The following ITPRID1 variants were observed in gnomAD, a reference collection of about 807,000 sequenced individuals.
The protein encoded by ITPRID1 is ITPR interacting domain containing 1.
A neutral mutation model predicts 95.4 loss-of-function variants in ITPRID1; 96 were observed. That is an observed-to-expected ratio of 1.01 (90% CI 0.85 to 1.19). The LOEUF (loss-of-function observed/expected upper bound fraction) is 1.19, where lower values mean the gene tolerates loss of function less well. Ranked by LOEUF, ITPRID1 falls within the 50% of genes most tolerant of loss-of-function variation. ITPRID1 has a pLI of 0.00. For synonymous variants in ITPRID1, 510 were observed against 453.6 expected, an observed-to-expected ratio of 1.12 and a Z score of -1.58; for missense variants, 1,339 against 1,252.9, an observed-to-expected ratio of 1.07 and a Z score of -1.04.
chr7:31,554,875 A>C lies in ITPRID1; in HGVS notation c.230A>C (p.Asn77Thr). ...DSGFFVSANENFQQVIDRTVS... is the reference protein window; with the variant it reads ...DSGFFVSANETFQQVIDRTVS... ...CTTTACAGTGTCTCTGCAAATGAAA[A>C]CTTTCAACAAGTCATTGACCGCACT... Residue 77 changes from asparagine (N) to threonine (T), a missense_variant, in exon 5 of 15, where the codon AAC becomes ACC. Physicochemically the swap from Asn to Thr is moderately conservative, Grantham distance 65. Transcript: ENST00000615280. 6.3e-7 allele frequency: 1 copy of C among 1,581,932 alleles called. No homozygotes were observed. Among genetic ancestry groups the C allele is most frequent in the Non-Finnish European group, 8.6e-7 (1 of 1,161,766 alleles).
At chr7:31,619,839 G>T (rs1204135891) in intron 10 of ITPRID1, among the ~76,000 whole-genome samples, 1 of 152,196 alleles carries the variant, frequency 6.6e-6, no homozygotes, top group Non-Finnish European at 1.5e-5. Flanking sequence ...GGGTCAGGGA[G>T]TTCCCTTTCC....
chr7:31,515,766 T>C (rs1405305290), intron 1 of ITPRID1, among the ~76,000 whole-genome samples: 2 of 152,146 alleles, frequency 1.3e-5, no homozygotes, highest in Non-Finnish European at 2.9e-5. Flanking sequence ...GTTTAAAATG[T>C]TTGCAATGAG....
Position 31,611,752 on chromosome 7 carries a change from A to G in ITPRID1, c.1228+28561A>G, listed in dbSNP as rs555995721. The stretch of plus-strand genomic sequence containing the variant: ...GTTAATCTTTTAAAATATCCCTTGT[A>G]TGTGATGAGTCATTTTTATCTTGCT... On this transcript the variant is annotated intron_variant, in intron 10 of 14. Transcript: ENST00000615280. Among the ~76,000 whole-genome samples the G allele has an allele frequency of 1.1e-3, 166 of 151,968 alleles. 1 individual carries two copies. Among genetic ancestry groups the G allele is most frequent in the African/African-American group, 3.8e-3 (159 of 41,504 alleles).
chr7:31,655,763 G>A lies in ITPRID1; in HGVS notation c.*2934G>A. On this transcript the variant is annotated 3_prime_UTR_variant, in exon 15 of 15. Transcript: ENST00000615280. Reference sequence around the variant, plus strand: ...ATCGTTTCCCTTGCTAAACTCCTAAGCTTTTTACTCTTTACCCAGGTTGGG... The same window carrying A: ...ATCGTTTCCCTTGCTAAACTCCTAAACTTTTTACTCTTTACCCAGGTTGGG... The A allele has an allele frequency of 1.0e-6, 1 of 985,668 alleles. No individual in the cohort carries two copies. The highest frequency in any genetic ancestry group is 1.2e-6 in the Non-Finnish European group (1 of 830,008). 61.1% of individuals were successfully genotyped at this position (985,668 alleles called of 1,614,324 possible).
intron 1 of ITPRID1, among the ~76,000 whole-genome samples, chr7:31,541,611 C>T (rs1783935365): frequency 6.6e-6 from 1 of 152,126 alleles, no homozygotes; most frequent in African/African-American, 2.4e-5. Flanking sequence ...CTTTGGAGCA[C>T]ATACCAATAA....
chr7:31,579,762 T>C lies in ITPRID1; in HGVS notation c.1170+1328T>C, dbSNP rs574536150. ...TGTTAAGGTTCCTAATATCTATGTA[T>C]ATGTATATATGGTTGTGTACATATA... On this transcript the variant is annotated intron_variant, in intron 9 of 14. Transcript: ENST00000615280. Among the ~76,000 whole-genome samples the C allele has an allele frequency of 3.3e-3, 508 of 152,292 alleles. 1 individual carries two copies. Among genetic ancestry groups the C allele is most frequent in the African/African-American group, 0.012 (485 of 41,562 alleles).
rs1369100842 is a variant in ITPRID1 at position 31,578,060 on chromosome 7, A to G, written c.796A>G (p.Arg266Gly). The G allele has an allele frequency of 6.2e-7, 1 of 1,613,894 alleles. No individual in the cohort carries two copies. Among genetic ancestry groups the G allele is most frequent in the Non-Finnish European group, 8.5e-7 (1 of 1,179,862 alleles). The change falls in exon 9 of 15, where the codon AGG becomes GGG. Residue 266 changes from arginine (R) to glycine (G), a missense_variant. By Grantham distance (125) the Arg-to-Gly change is moderately radical. Transcript: ENST00000615280. Reference protein sequence around the residue: ...LLRRASKQNIRRDCNPEVSES... With the variant: ...LLRRASKQNIGRDCNPEVSES... The stretch of plus-strand genomic sequence containing the variant: ...AAGGAGAGCTTCCAAACAGAACATC[A>G]GGCGGGATTGTAACCCAGAGGTATC...
At chr7:31,634,435 C>T (rs903878600) in intron 10 of ITPRID1, among the ~76,000 whole-genome samples, 6 of 152,080 alleles carry the variant, frequency 3.9e-5, no homozygotes, top group African/African-American at 1.2e-4. Context: ...ATTGCAACCC[C>T]ACAAGTAACA....
chr7:31,532,598 A>T (rs997759489), intron 1 of ITPRID1, among the ~76,000 whole-genome samples: 1 of 152,226 alleles, frequency 6.6e-6, no homozygotes, highest in Non-Finnish European at 1.5e-5. Flanking sequence ...TGCATCTGCT[A>T]AGTGGTCACA....
rs77915580 is a variant in ITPRID1 at position 31,652,729 on chromosome 7, G to A, written c.3035G>A (p.Ser1012Asn). The change falls in exon 15 of 15, where the codon AGC becomes AAC. Residue 1012 changes from serine (S) to asparagine (N), a missense_variant. Ser to Asn is a conservative substitution (Grantham distance 46). Transcript: ENST00000615280. The part of the protein sequence containing the change: ...AAFTPPTLEN[S>N]TRMSPSSSAW... ...TTCACTCCACCCACCTTGGAGAACA[G>A]CACCAGGATGTCTCCTTCATCATCA... is the stretch of plus-strand genomic sequence containing the variant. 1 of 1,613,892 alleles carries A rather than the reference G, an allele frequency of 6.2e-7. No individual in the cohort carries two copies. The highest frequency in any genetic ancestry group is 8.5e-7 in the Non-Finnish European group (1 of 1,179,868).
In ITPRID1 at chr7:31,643,745, T is replaced by C. The variant is rs1387646320; in HGVS notation, c.2375T>C (p.Ile792Thr). 1 of 1,613,928 alleles carries C rather than the reference T, an allele frequency of 6.2e-7. No individual in the cohort carries two copies. Among genetic ancestry groups the C allele is most frequent in the African/African-American group, 1.3e-5 (1 of 74,952 alleles). Residue 792 changes from isoleucine to threonine, a missense_variant, in exon 12 of 15, where the codon ATC (isoleucine) becomes ACC (threonine). Coordinates refer to ENST00000615280, the MANE Select transcript of ITPRID1 (RefSeq NM_001257967.3). ...SVSLDSGFSS[I>T]CPMGTCHAIP... is the part of the protein sequence containing the mutation. The stretch of plus-strand genomic sequence containing the variant: ...TCTCTAGACTCAGGCTTCTCTAGTA[T>C]CTGCCCAATGGGCACCTGCCATGCT...
intron 10 of ITPRID1, among the ~76,000 whole-genome samples, chr7:31,622,855 C>A (rs922329766): frequency 6.6e-6 from 1 of 151,938 alleles, no homozygotes; most frequent in Admixed American, 6.6e-5. Context: ...ATTGATAGAC[C>A]GCTAGCAAGA....
intron 10 of ITPRID1, among the ~76,000 whole-genome samples, chr7:31,611,592 AATTCTAT>A (rs56884010): frequency 0.026 from 3,911 of 151,858 alleles, 69 homozygotes; most frequent in East Asian, 0.032. Flanking sequence ...TATTCTATAG[AATTCTAT>A]ATTCTATATT....
In ITPRID1 at chr7:31,552,999, AAGTT is replaced by A. The variant is rs756090521; in HGVS notation, c.-21_-18del. ...TGATTTGTTTGTGTGTGTGTGTTTT[AAGTT>A]AGTTTGCAGAATTACTCTCCTATGA... On this transcript the variant is annotated splice_acceptor_variant and 5_prime_UTR_variant, in exon 3 of 15. Transcript: ENST00000615280. LOFTEE classifies it low-confidence loss of function (5UTR_SPLICE). 5 of 1,600,448 alleles carry A rather than the reference AAGTT, an allele frequency of 3.1e-6. No individual in the cohort carries two copies. The South Asian group carries it at 3.4e-5, about 11-fold the overall frequency.
intron 5 of ITPRID1, among the ~76,000 whole-genome samples, chr7:31,560,835 C>A (rs1482012685): frequency 6.6e-6 from 1 of 152,020 alleles, no homozygotes; most frequent in African/African-American, 2.4e-5. Context: ...ATCTGGAGTT[C>A]AGAGGAAAGG....
intron 1 of ITPRID1, among the ~76,000 whole-genome samples, chr7:31,522,358 C>G (rs1783292348): frequency 6.6e-6 from 1 of 152,182 alleles, no homozygotes; most frequent in Non-Finnish European, 1.5e-5. Context: ...GTGTGAAGGT[C>G]ACATTCACTG....
At chr7:31,594,405 G>A (rs548410221) in intron 10 of ITPRID1, among the ~76,000 whole-genome samples, 2 of 152,328 alleles carry the variant, frequency 1.3e-5, no homozygotes, top group South Asian at 4.1e-4. Context: ...AATGTATAAG[G>A]AACCGTTAAT....
At chr7:31,577,505 G>A (rs1239168349) in intron 8 of ITPRID1, among the ~76,000 whole-genome samples, 1 of 152,190 alleles carries the variant, frequency 6.6e-6, no homozygotes, top group Non-Finnish European at 1.5e-5. Flanking sequence ...GTAGCCTCAT[G>A]TTGATAGCAC....
intron 7 of ITPRID1, among the ~76,000 whole-genome samples, chr7:31,572,553 A>G (rs1785028966): frequency 1.3e-5 from 2 of 152,224 alleles, no homozygotes; most frequent in Admixed American, 6.5e-5. Flanking sequence ...GTTACTATAC[A>G]TAAAGCAAAC....
Sources: gnomAD v4.1 joint callset for allele counts (sites outside exome capture counted in the v4.1 genomes callset) on GRCh38, gnomAD v4.1.1 for gene constraint, MANE v1.5 for transcripts, NCBI Gene and HGNC (gene_info 2026-07-23, HGNC 2026-07-21) for gene names.